FYN: variants seen among roughly 807,000 people sequenced by gnomAD.
The protein encoded by FYN is FYN proto-oncogene, Src family tyrosine kinase, also known as tyrosine-protein kinase Fyn.
FYN carries 10 observed loss-of-function variants against 70.2 expected under a neutral mutation model. The ratio of observed to expected loss-of-function variants is 0.14; its 90% confidence interval spans 0.09 to 0.24. The LOEUF is 0.24. Ranked by LOEUF, FYN falls within the 10% of genes least tolerant of loss-of-function variation. The probability of loss-of-function intolerance (pLI) is 1.00; values close to 1 mark genes in which losing one functional copy is unlikely to be tolerated. For synonymous variants in FYN, 236 were observed against 248.6 expected (o/e 0.95, Z 0.48); for missense variants, 319 against 673.1 (o/e 0.47, Z 5.82).
chr6:111,861,408 A>G (rs111935168), intron 1 of FYN, among the ~76,000 whole-genome samples: 245 of 152,320 alleles, frequency 1.6e-3, no homozygotes, highest in African/African-American at 5.7e-3. Context: ...GTGATCTCCC[A>G]CATTTAAGGT....
intron 12 of FYN, among the ~76,000 whole-genome samples, chr6:111,682,646 G>A (rs908992976): frequency 6.6e-6 from 1 of 152,182 alleles, no homozygotes; most frequent in Non-Finnish European, 1.5e-5. Context: ...AAAGTGGTCC[G>A]ATTGTGGGCT....
chr6:111,693,582 A>C (rs765415788), intron 12 of FYN, among the ~76,000 whole-genome samples: 1 of 152,068 alleles, frequency 6.6e-6, no homozygotes, highest in African/African-American at 2.4e-5. Flanking sequence ...ATGGCTGCTG[A>C]GTTGGGATAT....
chr6:111,818,023 G>A (rs1772544275), intron 2 of FYN, among the ~76,000 whole-genome samples: 1 of 152,174 alleles, frequency 6.6e-6, no homozygotes, highest in Non-Finnish European at 1.5e-5. Context: ...GAATGGCAAA[G>A]AGCACACAGA....
chr6:111,789,140 C>T (rs1771510720), intron 2 of FYN, among the ~76,000 whole-genome samples: 1 of 152,202 alleles, frequency 6.6e-6, no homozygotes, highest in Non-Finnish European at 1.5e-5. Context: ...AATGAGGGGG[C>T]AGGAAGGTCA....
At chr6:111,757,205 A>G (rs2128491508) in intron 3 of FYN, among the ~76,000 whole-genome samples, 1 of 152,350 alleles carries the variant, frequency 6.6e-6, no homozygotes, top group Non-Finnish European at 1.5e-5. Context: ...GAGCAACAGT[A>G]AGACAAAGTT....
chr6:111,809,182 T>A (rs1048189270), intron 2 of FYN, among the ~76,000 whole-genome samples: 5 of 152,218 alleles, frequency 3.3e-5, no homozygotes, highest in African/African-American at 1.2e-4. Context: ...TACCTCCATC[T>A]TGGCAAACAA....
chr6:111,764,228 A>AAAAAAAAAAAG (rs530424442), intron 3 of FYN, among the ~76,000 whole-genome samples: 89 of 134,822 alleles, frequency 6.6e-4, no homozygotes, highest in East Asian at 2.4e-3. Flanking sequence ...AAAAAAAAAA[A>AAAAAAAAAAAG]AAAAGAAAAG....
intron 2 of FYN, among the ~76,000 whole-genome samples, chr6:111,825,769 GGGGCTCATTTGTAA>G (rs1772813546): frequency 6.6e-6 from 1 of 152,132 alleles, no homozygotes; most frequent in Non-Finnish European, 1.5e-5. Flanking sequence ...GAAAGGCTTG[GGGGCTCATTTGTAA>G]GGGCTGTAAC....
At chr6:111,702,061 T>C (rs1220078899) in intron 8 of FYN, among the ~76,000 whole-genome samples, 3 of 152,056 alleles carry the variant, frequency 2.0e-5, no homozygotes, top group Non-Finnish European at 4.4e-5. Flanking sequence ...AATGGAGAAA[T>C]GGGTCACACA....
intron 1 of FYN, among the ~76,000 whole-genome samples, chr6:111,869,226 G>A (rs1278968991): frequency 6.6e-6 from 1 of 152,228 alleles, no homozygotes; most frequent in Non-Finnish European, 1.5e-5. Context: ...AAGACTCACA[G>A]ACAAAGAGGG....
chr6:111,861,302 T>C (rs1773955314), intron 1 of FYN, among the ~76,000 whole-genome samples: 1 of 152,186 alleles, frequency 6.6e-6, no homozygotes, highest in Non-Finnish European at 1.5e-5. Context: ...CGCTGATGTG[T>C]ACAAAAGAGG....
At chr6:111,865,671 A>T (rs1318303902) in intron 1 of FYN, among the ~76,000 whole-genome samples, 1 of 152,362 alleles carries the variant, frequency 6.6e-6, no homozygotes, top group Admixed American at 6.5e-5. Context: ...TCTAAATAAC[A>T]CAAATCACTC....
chr6:111,708,828 G>GT (rs1172915914), intron 5 of FYN: 1 of 152,262 alleles, frequency 6.6e-6, no homozygotes. Context: ...CAGCAGTGTG[G>GT]TATCAATCTG....
intron 2 of FYN, chr6:111,818,638 C>T (rs1445284882): frequency 6.6e-6 from 1 of 152,556 alleles, no homozygotes. Context: ...TTGCTGCTGC[C>T]ACTGCTGACT....
At chr6:111,726,791 G>A (rs1315970410) in intron 3 of FYN, among the ~76,000 whole-genome samples, 1 of 152,206 alleles carries the variant, frequency 6.6e-6, no homozygotes, top group Non-Finnish European at 1.5e-5. Flanking sequence ...GCAGGACCAG[G>A]TGGAGGTAAT....
intron 2 of FYN, among the ~76,000 whole-genome samples, chr6:111,794,980 C>T (rs1225197766): frequency 6.6e-6 from 1 of 152,114 alleles, no homozygotes; most frequent in Admixed American, 6.5e-5. Flanking sequence ...CCGGGTAAGC[C>T]AACACAACCC....
intron 1 of FYN, among the ~76,000 whole-genome samples, chr6:111,857,693 G>A (rs1266984751): frequency 6.7e-6 from 1 of 150,246 alleles, no homozygotes; most frequent in Non-Finnish European, 1.5e-5. Flanking sequence ...TCTACTTATG[G>A]CAGAAAAAAA....
At chr6:111,709,891 G>T (rs706878) in intron 5 of FYN, among the ~76,000 whole-genome samples, 3,609 of 152,226 alleles carry the variant, frequency 0.024, 151 homozygotes, top group African/African-American at 0.077. Context: ...GTTTGTACTG[G>T]TCTCATTTCT....
At chr6:111,714,604 G>GT in intron 4 of FYN, 161 bp from the exon 5 acceptor site, 1 of 626,548 alleles carries the variant, frequency 1.6e-6, no homozygotes, top group Non-Finnish European at 2.8e-6. Flanking sequence ...CACAGTCACA[G>GT]GGCTGTGTTT....
Sources: allele counts gnomAD v4.1 joint callset (sites outside exome capture counted in the v4.1 genomes callset), GRCh38; gene constraint gnomAD v4.1.1; transcripts MANE v1.5; gene names NCBI Gene and HGNC (gene_info 2026-07-23, HGNC 2026-07-21).